ABCG5: variants seen among roughly 807,000 people sequenced by gnomAD.
The protein encoded by ABCG5 is ATP-binding cassette sub-family G member 5.
A neutral mutation model predicts 64.5 loss-of-function variants in ABCG5; 64 were observed. The ratio of observed to expected loss-of-function variants is 0.99; its 90% CI spans 0.81 to 1.22. The LOEUF is 1.22. Ranked by LOEUF, ABCG5 falls within the 50% of genes most tolerant of loss-of-function variation. ABCG5 has a pLI of 0.00. For synonymous variants in ABCG5, 385 were observed against 326.3 expected (o/e 1.18, Z -1.94); for missense variants, 908 against 829.5 (o/e 1.09, Z -1.16).
chr2:43,812,093 C>G (rs1666507076), downstream of ABCG5, among the ~76,000 whole-genome samples: 1 of 151,944 alleles, frequency 6.6e-6, no homozygotes, highest in Admixed American at 6.6e-5. Flanking sequence ...CTCTGTTGCC[C>G]AGGCTGGAGT....
downstream of ABCG5, chr2:43,809,646 G>A: frequency 3.3e-6 from 4 of 1,218,350 alleles, no homozygotes; most frequent in South Asian, 1.3e-5. Context: ...CAGTTTTAAG[G>A]TGCCTCCTTG....
chr2:43,824,874 GA>G lies in ABCG5; in HGVS notation c.904+14del. Reference sequence around the variant, plus strand: ...AAAAAACATTCATGATGGGGAATGTGAAAGAAAAACTTACTATAGAAGTCAA... The same window carrying G: ...AAAAAACATTCATGATGGGGAATGTGAAGAAAAACTTACTATAGAAGTCAA... On this transcript the variant is annotated intron_variant, in intron 7 of 12. Transcript: ENST00000405322. 1 of 1,613,626 alleles carries G rather than the reference GA, an allele frequency of 6.2e-7. No individual in the cohort carries two copies. Among genetic ancestry groups the G allele is most frequent in the Non-Finnish European group, 8.5e-7 (1 of 1,179,706 alleles).
chr2:43,823,488 T>C (rs778076920), intron 9 of ABCG5, among the ~76,000 whole-genome samples: 3 of 152,080 alleles, frequency 2.0e-5, no homozygotes, highest in Non-Finnish European at 4.4e-5. Flanking sequence ...GGCAACCAGG[T>C]TTTGTCTCTG....
upstream of ABCG5, chr2:43,839,201 G>A: frequency 7.1e-7 from 1 of 1,406,874 alleles, no homozygotes; most frequent in Non-Finnish European, 9.8e-7. Flanking sequence ...GGAGCCTTCT[G>A]TCCTAGCACC....
At chr2:43,823,499 G>A (rs1404841361) in intron 9 of ABCG5, among the ~76,000 whole-genome samples, 1 of 152,116 alleles carries the variant, frequency 6.6e-6, no homozygotes, top group Admixed American at 6.5e-5. Context: ...TTTGTCTCTG[G>A]AATTCCACTG....
intron 4 of ABCG5, among the ~76,000 whole-genome samples, 188 bp downstream of exon 4, chr2:43,831,581 T>C (rs2104862409): frequency 6.6e-6 from 1 of 152,304 alleles, no homozygotes; most frequent in South Asian, 2.1e-4. Context: ...CTAGTGACAT[T>C]TCAAGTCTCC....
chr2:43,838,340 GC>G lies in ABCG5; in HGVS notation c.143+196del. 6.3e-6 allele frequency: 4 copies of G among 631,256 alleles called. No individual in the cohort carries two copies. Among genetic ancestry groups the G allele is most frequent in the South Asian group, 5.9e-5 (3 of 50,686 alleles). 39.1% of individuals were successfully genotyped at this position (631,256 alleles called of 1,614,324 possible). On this transcript the variant is annotated intron_variant, in intron 1 of 12. Transcript: ENST00000405322. This position sits in a 1 kb window ranked among gnomAD's most constrained non-coding sequence, Gnocchi z 4.2. ...TGTTTATGCCCAGGCCCTTCCCTGG[GC>G]AGGGGGAGGGGCCATTCACTGTCGC...
At chr2:43,831,204 T>C (rs1667926866) in intron 4 of ABCG5, among the ~76,000 whole-genome samples, 1 of 152,218 alleles carries the variant, frequency 6.6e-6, no homozygotes, top group African/African-American at 2.4e-5. Context: ...ACAGAGTCTC[T>C]TTTTGTCCTT....
At chr2:43,837,077 G>A (rs920606671) in intron 2 of ABCG5, among the ~76,000 whole-genome samples, 2 of 150,392 alleles carry the variant, frequency 1.3e-5, no homozygotes, top group African/African-American at 2.4e-5. Flanking sequence ...GATCTGATAA[G>A]GCCCGATGTT....
chr2:43,809,866 C>A, downstream of ABCG5: 1 of 1,470,402 alleles, frequency 6.8e-7, no homozygotes, highest in Non-Finnish European at 9.0e-7. Flanking sequence ...GAAAGTTAAA[C>A]TGTATAATTT....
intron 2 of ABCG5, among the ~76,000 whole-genome samples, chr2:43,835,147 C>T (rs13396273): frequency 0.43 from 65,674 of 151,936 alleles, 15,155 homozygotes; most frequent in East Asian, 0.84. Context: ...GTCCCAAAGC[C>T]GTAATTAGGC....
At position 43,813,091 on chromosome 2, in the gene ABCG5, T is replaced by C; in HGVS notation, c.*25A>G. The C allele has an allele frequency of 1.1e-6, 1 of 943,814 alleles. No individual in the cohort carries two copies. Among genetic ancestry groups the C allele is most frequent in the East Asian group, 2.4e-5 (1 of 41,882 alleles). 58.5% of individuals were successfully genotyped at this position (943,814 alleles called of 1,614,324 possible). ...GTCATGCACAGTCGGCAGCTTCACT[T>C]CCATTTTCCCAGCCATGGCTTTCAC... is the stretch of plus-strand genomic sequence containing the variant. On this transcript the variant is annotated 3_prime_UTR_variant, in exon 13 of 13. Coordinates refer to ENST00000405322, the MANE Select transcript of ABCG5 (RefSeq NM_022436.3).
At chr2:43,816,495 A>G (rs1666839083) in intron 11 of ABCG5, among the ~76,000 whole-genome samples, 1 of 152,346 alleles carries the variant, frequency 6.6e-6, no homozygotes, top group South Asian at 2.1e-4. Flanking sequence ...GAGGAACCAT[A>G]GATCTGGATG....
downstream of ABCG5, chr2:43,812,428 G>A (rs768593763): frequency 3.3e-5 from 5 of 150,098 alleles, no homozygotes; most frequent in Non-Finnish European, 7.4e-5. Flanking sequence ...AATAGCAAAC[G>A]AATCTTTAAA....
intron 11 of ABCG5, among the ~76,000 whole-genome samples, chr2:43,815,581 G>T (rs564357210): frequency 3.3e-5 from 5 of 152,326 alleles, no homozygotes; most frequent in African/African-American, 1.2e-4. Context: ...TTGAGAGGTT[G>T]CTAATTGAAA....
In ABCG5 at chr2:43,813,251, T is replaced by C; in HGVS notation, c.1821A>G (p.Gln607=). ...NPMCAFTQGI[Q]FIEKTCPGAT... The stretch of plus-strand genomic sequence containing the variant: ...CACCTGGGCAGGTTTTCTCAATGAA[T>C]TGAATTCCTTGAGTGAAGGCACACA... The change falls in exon 13 of 13, where the codon CAA becomes CAG. Residue 607 remains glutamine, a synonymous_variant. Coordinates refer to ENST00000405322, the MANE Select transcript of ABCG5 (RefSeq NM_022436.3). The C allele has an allele frequency of 2.5e-6, 4 of 1,614,014 alleles. No individual in the cohort carries two copies. The highest frequency in any genetic ancestry group is 1.7e-5 in the Admixed American group (1 of 60,010).
intron 11 of ABCG5, among the ~76,000 whole-genome samples, chr2:43,818,319 C>G (rs1322012887): frequency 1.3e-5 from 2 of 152,120 alleles, no homozygotes; most frequent in African/African-American, 2.4e-5. Flanking sequence ...TGGCGCACAC[C>G]TGTAATCCCA....
chr2:43,818,580 G>C (rs1666996401), intron 11 of ABCG5, among the ~76,000 whole-genome samples: 1 of 152,144 alleles, frequency 6.6e-6, no homozygotes, highest in Non-Finnish European at 1.5e-5. Context: ...ATATAAAAGA[G>C]GAAATGCTGC....
rs145527220 is a variant in ABCG5, at chr2:43,819,944, C to G, written c.1620G>C (p.Ala540=). The change falls in exon 11 of 13, where the codon GCG becomes GCC. Residue 540 remains alanine, a synonymous_variant. Transcript: ENST00000405322. The part of the protein sequence containing the change: ...VNSVVALLSI[A]GVLVGSGFLR... ...GGAATCCAGATCCAACAAGCACCCC[C>G]GCAATGGACAGCAGAGCCACTACAC... is the stretch of plus-strand genomic sequence containing the variant. The G allele has an allele frequency of 1.2e-6, 2 of 1,613,994 alleles. No homozygotes were observed. The highest frequency in any genetic ancestry group is 2.2e-5 in the East Asian group (1 of 44,890).
Sources: allele counts gnomAD v4.1 joint callset (sites outside exome capture counted in the v4.1 genomes callset), GRCh38; gene constraint gnomAD v4.1.1; non-coding constraint Gnocchi (gnomAD v3.1); transcripts MANE v1.5; gene names NCBI Gene and HGNC (gene_info 2026-07-23, HGNC 2026-07-21).